Variants in LMNTD1 observed in about 807,000 individuals in gnomAD.
The protein encoded by LMNTD1 is lamin tail domain containing 1.
In LMNTD1, 35 loss-of-function variants were observed where a neutral mutation model predicts 50.9. The observed-to-expected ratio is 0.69, with a 90% CI of 0.53 to 0.91. The LOEUF (loss-of-function observed/expected upper bound fraction) is 0.91, where lower values mean the gene tolerates loss of function less well. Among genes scored for constraint, LMNTD1 ranks in the 40% least tolerant of loss-of-function variants. The pLI is 0.00. For missense variants in LMNTD1, 470 were observed against 475.5 expected (o/e 0.99, Z 0.11); for synonymous variants, 153 against 161.9 (o/e 0.94, Z 0.42).
At chr12:25,548,297 G>C (rs1469572550) in intron 3 of LMNTD1, among the ~76,000 whole-genome samples, 1 of 135,914 alleles carries the variant, frequency 7.4e-6, no homozygotes, top group Non-Finnish European at 1.7e-5. Context: ...ATATAGATGA[G>C]GGGCAGCCAG....
intron 1 of LMNTD1, among the ~76,000 whole-genome samples, chr12:25,605,370 G>T (rs1207562881): frequency 2.0e-5 from 3 of 152,128 alleles, no homozygotes; most frequent in East Asian, 3.9e-4. Flanking sequence ...GTCAATTTTG[G>T]CTTTTGTTGC....
chr12:25,553,415 G>C, upstream of LMNTD1: 1 of 329,166 alleles, frequency 3.0e-6, no homozygotes, highest in Non-Finnish European at 5.1e-6. Flanking sequence ...ATTAAATAAA[G>C]TAATTTGCTC....
intron 1 of LMNTD1, among the ~76,000 whole-genome samples, chr12:25,626,170 A>G (rs968818466): frequency 2.0e-5 from 3 of 152,200 alleles, no homozygotes; most frequent in Middle Eastern, 3.2e-3. Flanking sequence ...AGCCTTTCAC[A>G]TTTCTAAACA....
At chr12:25,557,785 C>A (rs1228602273), upstream of LMNTD1, among the ~76,000 whole-genome samples, 2 of 152,148 alleles carry the variant, frequency 1.3e-5, no homozygotes, top group African/African-American at 4.8e-5. Flanking sequence ...AATGGTTGAA[C>A]CAAGAGCAAA....
rs114691678 is a variant in LMNTD1, at chr12:25,528,984, C to T, written c.492-2029G>A. On this transcript the variant is annotated intron_variant, in intron 4 of 9. Transcript: ENST00000458174. ...AAAAGGCTATGTCACTAATTAATCACCTCTTATTTACTTCACAACCACCTG... is the reference window on the plus strand; with the variant it reads ...AAAAGGCTATGTCACTAATTAATCATCTCTTATTTACTTCACAACCACCTG... Among the ~76,000 whole-genome samples, 961 of 152,252 alleles carry T rather than the reference C, an allele frequency of 6.3e-3. 12 individuals are homozygous for T. Among genetic ancestry groups the T allele is most frequent in the African/African-American group, 0.022 (903 of 41,544 alleles).
chr12:25,485,509 A>T (rs1460352189), intron 9 of LMNTD1, among the ~76,000 whole-genome samples: 3 of 111,338 alleles, frequency 2.7e-5, no homozygotes, highest in Non-Finnish European at 5.5e-5. Flanking sequence ...CTTTAGTTTA[A>T]TTAGATCCCA....
chr12:25,541,780 A>G (rs1185476458), intron 4 of LMNTD1, among the ~76,000 whole-genome samples: 1 of 134,206 alleles, frequency 7.5e-6, no homozygotes, highest in Non-Finnish European at 1.6e-5. Context: ...CAGAGTGAAC[A>G]GGCAACCTAC....
intron 1 of LMNTD1, among the ~76,000 whole-genome samples, chr12:25,603,018 G>A (rs1946013097): frequency 6.6e-6 from 1 of 152,020 alleles, no homozygotes; most frequent in South Asian, 2.1e-4. Flanking sequence ...AGACTATAAA[G>A]TTCAGGAAGA....
intron 9 of LMNTD1, among the ~76,000 whole-genome samples, chr12:25,491,488 G>A (rs1938882355): frequency 6.6e-6 from 1 of 152,210 alleles, no homozygotes; most frequent in African/African-American, 2.4e-5. Flanking sequence ...AAGTCCTTGA[G>A]AAATTGCTAG....
At chr12:25,505,952 T>C (rs1049784382) in intron 8 of LMNTD1, among the ~76,000 whole-genome samples, 1 of 152,190 alleles carries the variant, frequency 6.6e-6, no homozygotes, top group Admixed American at 6.5e-5. Context: ...ATTTAAACCA[T>C]GCAATACATG....
At chr12:25,509,036 T>G (rs1940044476) in intron 8 of LMNTD1, among the ~76,000 whole-genome samples, 1 of 152,222 alleles carries the variant, frequency 6.6e-6, no homozygotes, top group Non-Finnish European at 1.5e-5. Flanking sequence ...TCCCTAAATA[T>G]CCCATGTATC....
chr12:25,521,983 C>T (rs76252581), intron 6 of LMNTD1, among the ~76,000 whole-genome samples: 3,073 of 152,196 alleles, frequency 0.02, 81 homozygotes, highest in African/African-American at 0.058. Context: ...GAAAAACGTG[C>T]CCTAACATTC....
At chr12:25,581,044 C>G (rs1004189692) in intron 1 of LMNTD1, among the ~76,000 whole-genome samples, 2 of 152,088 alleles carry the variant, frequency 1.3e-5, no homozygotes, top group African/African-American at 4.8e-5. Flanking sequence ...GATTTCTATT[C>G]TGAACAGCAA....
chr12:25,506,689 C>A (rs1171665628), intron 8 of LMNTD1, among the ~76,000 whole-genome samples: 1 of 150,614 alleles, frequency 6.6e-6, no homozygotes, highest in Non-Finnish European at 1.5e-5. Context: ...CAGGGCCTTG[C>A]CTTTGTGCTC....
intron 9 of LMNTD1, among the ~76,000 whole-genome samples, chr12:25,478,285 A>G (rs1226846017): frequency 7.2e-5 from 11 of 152,176 alleles, no homozygotes; most frequent in Admixed American, 7.2e-4. Context: ...TAAAGACAAT[A>G]ATAAGGTCAT....
At chr12:25,620,826 G>A (rs1431642158) in intron 1 of LMNTD1, among the ~76,000 whole-genome samples, 1 of 152,116 alleles carries the variant, frequency 6.6e-6, no homozygotes, top group African/African-American at 2.4e-5. Context: ...CAATATCTAT[G>A]AATTCTTGCC....
intron 1 of LMNTD1, among the ~76,000 whole-genome samples, chr12:25,644,592 A>G (rs1326375149): frequency 1.3e-5 from 2 of 152,202 alleles, no homozygotes; most frequent in Non-Finnish European, 2.9e-5. Flanking sequence ...AGTAACCAAA[A>G]AAGAGAATGA....
chr12:25,626,025 T>C (rs1486135952), intron 1 of LMNTD1, among the ~76,000 whole-genome samples: 1 of 152,280 alleles, frequency 6.6e-6, no homozygotes, highest in Non-Finnish European at 1.5e-5. Context: ...ATTATATTTA[T>C]GTCTTCTTCC....
rs1050861852 is a variant in LMNTD1, at chr12:25,615,466, T to G, written c.58+33028A>C. Among the ~76,000 whole-genome samples the G allele has an allele frequency of 3.3e-5, 5 of 152,102 alleles. No homozygotes were observed. The East Asian group carries it at 9.6e-4, about 29-fold the overall frequency. The stretch of plus-strand genomic sequence containing the variant: ...TCCTTTTTTTAATTTTTTAATTTTT[T>G]TTTTTGAGACATGGTCTCACTCTTT... On this transcript the variant is annotated intron_variant, in intron 1 of 7. Coordinates refer to the LMNTD1 transcript ENST00000445693.
Sources: gnomAD v4.1 joint callset for allele counts (sites outside exome capture counted in the v4.1 genomes callset) on GRCh38, gnomAD v4.1.1 for gene constraint, MANE v1.5 for transcripts, NCBI Gene and HGNC (gene_info 2026-07-23, HGNC 2026-07-21) for gene names.